The following WWP1 variants were observed in gnomAD, a reference collection of about 807,000 sequenced individuals.
WWP1 encodes WW domain containing E3 ubiquitin protein ligase 1.
In WWP1, 49 loss-of-function variants were observed where a neutral mutation model predicts 130.6. The observed-to-expected ratio is 0.38, with a 90% CI of 0.30 to 0.48. The LOEUF is 0.48. Ranked by LOEUF, WWP1 falls within the 20% of genes least tolerant of loss-of-function variation. WWP1 has a pLI of 0.99. For synonymous variants in WWP1, 332 were observed against 367.8 expected (o/e 0.90, Z 1.11); for missense variants, 809 against 1,100.6 (o/e 0.74, Z 3.75).
At chr8:86,377,674 T>C (rs1266196241) in intron 3 of WWP1, among the ~76,000 whole-genome samples, 2 of 152,204 alleles carry the variant, frequency 1.3e-5, no homozygotes, top group Non-Finnish European at 2.9e-5. Flanking sequence ...TACTGTAATG[T>C]ACCAGCTACT....
intron 1 of WWP1, among the ~76,000 whole-genome samples, chr8:86,346,253 G>A (rs1822572101): frequency 6.6e-6 from 1 of 152,086 alleles, no homozygotes; most frequent in African/African-American, 2.4e-5. Context: ...GTCTCACTTT[G>A]GGCTGGGGAG....
chr8:86,394,194 T>G (rs1005576889), intron 5 of WWP1, among the ~76,000 whole-genome samples: 5 of 152,234 alleles, frequency 3.3e-5, no homozygotes, highest in African/African-American at 9.6e-5. Flanking sequence ...TAAATAGAAG[T>G]CTGTGAAACA....
At chr8:86,343,424 TC>T (rs892055227) in intron 1 of WWP1, 1 of 132,876 alleles carries the variant, frequency 7.5e-6, no homozygotes, top group Non-Finnish European at 1.6e-5. Flanking sequence ...CAGCTCCCCA[TC>T]CCCCGCCCCC....
intron 5 of WWP1, among the ~76,000 whole-genome samples, chr8:86,388,357 C>G (rs544057465): frequency 2.6e-5 from 4 of 152,010 alleles, no homozygotes; most frequent in East Asian, 1.9e-4. Flanking sequence ...TGGACTCAAG[C>G]GATCCTCCCA....
chr8:86,389,220 G>A (rs111495234), intron 5 of WWP1, among the ~76,000 whole-genome samples: 8,241 of 151,668 alleles, frequency 0.054, 316 homozygotes, highest in Non-Finnish European at 0.086. Flanking sequence ...GATTTGGCAG[G>A]GTCATAGGAC....
At chr8:86,412,782 A>T (rs551420790) in intron 9 of WWP1, among the ~76,000 whole-genome samples, 11 of 148,292 alleles carry the variant, frequency 7.4e-5, no homozygotes, top group Non-Finnish European at 1.5e-4. Context: ...TTACGGTTTC[A>T]GCCTTTGGTC....
intron 24 of WWP1, among the ~76,000 whole-genome samples, chr8:86,464,502 C>T (rs1322466463): frequency 6.6e-6 from 1 of 151,394 alleles, no homozygotes; most frequent in Non-Finnish European, 1.5e-5. Flanking sequence ...AATAAAAGCT[C>T]TTTGCAGTTG....
Position 86,392,847 on chromosome 8 carries a change from C to T in WWP1, c.335-5495C>T, listed in dbSNP as rs559670200. On this transcript the variant is annotated intron_variant, in intron 5 of 24. Transcript: ENST00000517970. ...TGATGTAAGTGCCTCTTTATTCTTT[C>T]GAAAATTTTTTTGTATTGAAATTAC... is the stretch of plus-strand genomic sequence containing the variant. Among the ~76,000 whole-genome samples the T allele has an allele frequency of 1.1e-4, 16 of 152,114 alleles. No homozygotes were observed. The East Asian group carries it at 1.4e-3, about 13-fold the overall frequency.
chr8:86,361,906 A>G (rs1356819620), intron 1 of WWP1, among the ~76,000 whole-genome samples: 7 of 151,140 alleles, frequency 4.6e-5, no homozygotes, highest in Admixed American at 4.0e-4. Context: ...AGCAAAGAGC[A>G]TATTTTATAT....
At chr8:86,380,583 A>C in intron 3 of WWP1, 143 bp from the exon 4 acceptor site, 1 of 861,688 alleles carries the variant, frequency 1.2e-6, no homozygotes, top group Non-Finnish European at 1.7e-6. Context: ...CATTATCAGT[A>C]GCCCTTTTGT....
At chr8:86,426,697 A>G (rs957942642) in intron 10 of WWP1, among the ~76,000 whole-genome samples, 4 of 152,216 alleles carry the variant, frequency 2.6e-5, no homozygotes, top group African/African-American at 9.6e-5. Context: ...GTGGAATGAC[A>G]TGGAGTCCAC....
chr8:86,377,881 AGT>A (rs372965218), intron 3 of WWP1, among the ~76,000 whole-genome samples: 1 of 152,278 alleles, frequency 6.6e-6, no homozygotes, highest in African/African-American at 2.4e-5. Flanking sequence ...TTAAAGTAAA[AGT>A]GTCAAATCAT....
At chr8:86,391,706 T>C (rs2130442262) in intron 5 of WWP1, among the ~76,000 whole-genome samples, 1 of 151,570 alleles carries the variant, frequency 6.6e-6, no homozygotes, top group East Asian at 2.0e-4. Context: ...GGGGGTTCAA[T>C]GGAGGCTCAG....
At chr8:86,396,716 C>T (rs747214594) in intron 5 of WWP1, among the ~76,000 whole-genome samples, 2 of 151,906 alleles carry the variant, frequency 1.3e-5, no homozygotes, top group Non-Finnish European at 2.9e-5. Context: ...ATCTCAGCCT[C>T]CTGAATAGCT....
At position 86,402,006 on chromosome 8, in the gene WWP1, T is replaced by A; in HGVS notation, c.540-13T>A. The A allele has an allele frequency of 1.3e-6, 2 of 1,502,756 alleles. No homozygotes were observed. Among genetic ancestry groups the A allele is most frequent in the South Asian group, 1.4e-5 (1 of 74,060 alleles). 93.1% of individuals were successfully genotyped at this position (1,502,756 alleles called of 1,614,324 possible). ...ATACTTAAATGATTGAAATAAGGCA[T>A]TTTTTTTTCAAGGTTGGCTGTTGAA... On this transcript the variant is annotated splice_polypyrimidine_tract_variant and intron_variant, in intron 7 of 24. Coordinates refer to ENST00000517970, the MANE Select transcript of WWP1 (RefSeq NM_007013.4).
At chr8:86,456,897 A>G (rs962623396) in intron 21 of WWP1, among the ~76,000 whole-genome samples, 3 of 151,986 alleles carry the variant, frequency 2.0e-5, no homozygotes, top group African/African-American at 4.8e-5. Flanking sequence ...ATGTATGCAT[A>G]TATATGACAT....
At chr8:86,442,864 A>G in intron 18 of WWP1, 86 bp downstream of exon 18, 2 of 1,356,608 alleles carry the variant, frequency 1.5e-6, no homozygotes, top group Non-Finnish European at 2.0e-6. Flanking sequence ...AAGGATAAGC[A>G]TTATATTTGC....
At chr8:86,343,151 C>T (rs1192834892) in intron 1 of WWP1, 1 of 224,418 alleles carries the variant, frequency 4.5e-6, no homozygotes, top group East Asian at 9.3e-5. Context: ...GCCCGGAGTT[C>T]GCCCTGGCAA....
At chr8:86,347,764 TTG>T (rs1365029030) in intron 1 of WWP1, among the ~76,000 whole-genome samples, 1 of 152,206 alleles carries the variant, frequency 6.6e-6, no homozygotes, top group Non-Finnish European at 1.5e-5. Context: ...CAGATGAAGT[TTG>T]TGTTTCCCTT....
Sources: gnomAD v4.1 joint callset for allele counts (sites outside exome capture counted in the v4.1 genomes callset) on GRCh38, gnomAD v4.1.1 for gene constraint, MANE v1.5 for transcripts, NCBI Gene and HGNC (gene_info 2026-07-23, HGNC 2026-07-21) for gene names.